ATP8A2: variants seen among roughly 807,000 people sequenced by gnomAD.
ATP8A2 encodes the protein phospholipid-transporting ATPase IB.
ATP8A2 carries 100 observed loss-of-function variants against 165.6 expected under a neutral mutation model. That is an observed-to-expected ratio of 0.60 (90% CI 0.51 to 0.71). ATP8A2 has a LOEUF of 0.71. Ranked by LOEUF, ATP8A2 falls within the 30% of genes least tolerant of loss-of-function variation. ATP8A2 has a pLI of 0.00. For synonymous variants in ATP8A2, 543 were observed against 548.8 expected (o/e 0.99, Z 0.15); for missense variants, 1,227 against 1,479.5 (o/e 0.83, Z 2.80).
chr13:25,894,947 G>A (rs562745270), intron 33 of ATP8A2, among the ~76,000 whole-genome samples: 2 of 151,998 alleles, frequency 1.3e-5, no homozygotes, highest in African/African-American at 2.4e-5. Flanking sequence ...GAGACAATGG[G>A]GTTTTCTAGA....
Position 25,553,912 on chromosome 13 carries a change from A to T in ATP8A2, c.1177A>T (p.Ile393Leu). ...TGTGAAGTATACTCAAGCCCTTTTC[A>T]TAAACTGGGTGAGTATTAAAGCAGA... ...EVVKYTQALF[I>L]NWDTDMYYIG... The change falls in exon 12 of 37, where the codon ATA becomes TTA. Residue 393 changes from isoleucine to leucine, a missense_variant. Around this residue, in one of 5 missense-constraint regions of ATP8A2, gnomAD observed 592 missense variants for 785.6 expected, o/e 0.75. Transcript: ENST00000381655. 6.2e-7 allele frequency: 1 copy of T among 1,613,340 alleles called. No individual in the cohort carries two copies. The highest frequency in any genetic ancestry group is 1.3e-5 in the African/African-American group (1 of 75,010).
chr13:25,924,091 T>C (rs992975526), intron 33 of ATP8A2, among the ~76,000 whole-genome samples: 6 of 152,220 alleles, frequency 3.9e-5, no homozygotes, highest in Admixed American at 1.3e-4. Flanking sequence ...GGATGGATGA[T>C]GTCCTACAGC....
chr13:25,698,224 G>GTT (rs57633900), intron 24 of ATP8A2, among the ~76,000 whole-genome samples: 11 of 141,486 alleles, frequency 7.8e-5, no homozygotes, highest in Non-Finnish European at 9.3e-5. Context: ...AAGAACGTCT[G>GTT]TTTTTTTTTT....
intron 35 of ATP8A2, among the ~76,000 whole-genome samples, chr13:25,977,098 G>C (rs1455226270): frequency 7.2e-6 from 1 of 139,638 alleles, no homozygotes; most frequent in South Asian, 2.5e-4. Flanking sequence ...ATGAACCACC[G>C]TGCCCAGCCG....
intron 27 of ATP8A2, among the ~76,000 whole-genome samples, chr13:25,798,873 C>T (rs1476883670): frequency 1.3e-5 from 2 of 151,888 alleles, no homozygotes; most frequent in Non-Finnish European, 2.9e-5. Flanking sequence ...ATTAAATGGA[C>T]ATGACAAATT....
intron 33 of ATP8A2, among the ~76,000 whole-genome samples, chr13:25,875,878 G>A (rs114143222): frequency 1.7e-3 from 266 of 152,340 alleles, no homozygotes; most frequent in African/African-American, 6.1e-3. Context: ...ATTCCAGGAA[G>A]TACTACGCTA....
At chr13:25,938,185 A>G (rs1290173216) in intron 33 of ATP8A2, among the ~76,000 whole-genome samples, 1 of 152,116 alleles carries the variant, frequency 6.6e-6, no homozygotes, top group Non-Finnish European at 1.5e-5. Context: ...AAAAAAAAAA[A>G]AAGTTGAAGT....
At chr13:25,380,250 T>C (rs534092410) in intron 1 of ATP8A2, among the ~76,000 whole-genome samples, 1 of 152,266 alleles carries the variant, frequency 6.6e-6, no homozygotes, top group African/African-American at 2.4e-5. Flanking sequence ...CTTGGGCAAG[T>C]AGAATTGTTG....
At chr13:25,691,115 C>T (rs1216827216) in intron 24 of ATP8A2, among the ~76,000 whole-genome samples, 2 of 152,130 alleles carry the variant, frequency 1.3e-5, no homozygotes, top group Non-Finnish European at 2.9e-5. Context: ...AACTATGATT[C>T]TGTTTATATA....
intron 25 of ATP8A2, among the ~76,000 whole-genome samples, chr13:25,714,951 G>T (rs185736254): frequency 3.3e-5 from 5 of 152,272 alleles, no homozygotes; most frequent in Non-Finnish European, 7.3e-5. Context: ...GTGCTCTTAA[G>T]ATCTCTGCTT....
intron 24 of ATP8A2, among the ~76,000 whole-genome samples, chr13:25,592,207 G>GTT (rs34896353): frequency 7.3e-5 from 11 of 151,438 alleles, no homozygotes; most frequent in African/African-American, 9.7e-5. Flanking sequence ...TTTTAATCAG[G>GTT]TTTTTTTTCA....
chr13:25,741,171 A>C (rs1593278332), intron 25 of ATP8A2, among the ~76,000 whole-genome samples: 2 of 152,234 alleles, frequency 1.3e-5, no homozygotes, highest in East Asian at 3.8e-4. Context: ...ATCATCACCA[A>C]TTCTCAAAAA....
chr13:25,558,893 A>G, intron 13 of ATP8A2, 80 bp from the exon 14 acceptor site: 1 of 1,005,798 alleles, frequency 9.9e-7, no homozygotes, highest in Non-Finnish European at 1.5e-6. Context: ...GTTTTGAAAA[A>G]TATAGAAGGA....
chr13:25,536,105 C>A (rs368222669), intron 6 of ATP8A2, among the ~76,000 whole-genome samples: 1 of 151,846 alleles, frequency 6.6e-6, no homozygotes, highest in African/African-American at 2.4e-5. Flanking sequence ...CATATGAAAT[C>A]GTTTTAATTT....
At position 26,025,793 on chromosome 13, in the gene ATP8A2, C is replaced by A. The variant is rs1432376537; in HGVS notation, c.*5808C>A. ...TTAGTGATTTGTGGCTTTGATCAAT[C>A]CTGTTGACTGGTGTATGTCTGCGCA... On this transcript the variant is annotated 3_prime_UTR_variant, in exon 37 of 37. Transcript: ENST00000381655. The A allele has an allele frequency of 6.6e-6, 1 of 152,202 alleles. No homozygotes were observed. Among genetic ancestry groups the A allele is most frequent in the Non-Finnish European group, 1.5e-5 (1 of 68,056 alleles). The allele number at this position is 152,202 out of a possible 1,614,324, so 9.4% of individuals were successfully genotyped here. A position where few individuals can be genotyped will look rare whatever the true frequency, so the allele number is the denominator to read the frequency against.
rs751070063 is a variant in ATP8A2, at chr13:25,839,531, TTTG to T, written c.2878-12_2878-10del. The T allele has an allele frequency of 2.5e-6, 4 of 1,610,716 alleles. No individual in the cohort carries two copies. Among genetic ancestry groups the T allele is most frequent in the Non-Finnish European group, 3.4e-6 (4 of 1,176,904 alleles). On this transcript the variant is annotated splice_polypyrimidine_tract_variant and intron_variant, in intron 29 of 36. Transcript: ENST00000381655. Reference sequence around the variant, plus strand: ...TTTGGGCAGCTCCTGACTCCCTTGGTTTGTTTTTCCTTAGGTTTTCTGGGGTCA... The same window carrying T: ...TTTGGGCAGCTCCTGACTCCCTTGGTTTTTTCCTTAGGTTTTCTGGGGTCA...
At chr13:25,713,536 G>T (rs1409570922) in intron 25 of ATP8A2, among the ~76,000 whole-genome samples, 1 of 152,132 alleles carries the variant, frequency 6.6e-6, no homozygotes, top group South Asian at 2.1e-4. Flanking sequence ...GAGATTCTCA[G>T]TCAGGAGTCT....
rs189103849 is a variant in ATP8A2 at position 25,574,656 on chromosome 13, C to G, written c.1663-152C>G. 2,765 of 640,816 alleles carry G rather than the reference C, an allele frequency of 4.3e-3. 16 individuals carry two copies. Among genetic ancestry groups the G allele is most frequent in the Non-Finnish European group, 5.5e-3 (1,963 of 354,602 alleles). The allele number at this position is 640,816 out of a possible 1,614,324, so 39.7% of individuals were successfully genotyped here. On this transcript the variant is annotated intron_variant, in intron 18 of 36. Coordinates refer to ENST00000381655, the MANE Select transcript of ATP8A2 (RefSeq NM_016529.6). The stretch of plus-strand genomic sequence containing the variant: ...CCAGAAGAGGGAGCTCTGACCCCAC[C>G]AGACTTGTGAGAAAACAGTACATGT...
At chr13:25,462,006 A>G (rs1393462412) in intron 1 of ATP8A2, among the ~76,000 whole-genome samples, 2 of 152,228 alleles carry the variant, frequency 1.3e-5, no homozygotes, top group African/African-American at 4.8e-5. Context: ...GCAGATAAGG[A>G]AACCAAGGCT....
Sources: allele counts gnomAD v4.1 joint callset (sites outside exome capture counted in the v4.1 genomes callset), GRCh38; gene constraint gnomAD v4.1.1; regional missense constraint gnomAD v4.1.1; transcripts MANE v1.5; gene names NCBI Gene and HGNC (gene_info 2026-07-23, HGNC 2026-07-21).